Variants in PAN3 observed in about 807,000 individuals in gnomAD.
The protein encoded by PAN3 is PAN2-PAN3 deadenylation complex subunit PAN3.
A neutral mutation model predicts 96.2 loss-of-function variants in PAN3; 19 were observed. The observed-to-expected ratio is 0.20, with a 90% CI of 0.14 to 0.29. The LOEUF (loss-of-function observed/expected upper bound fraction) is 0.29, where lower values mean the gene tolerates loss of function less well. Among genes scored for constraint, PAN3 ranks in the 10% least tolerant of loss-of-function variants. The pLI is 1.00. For synonymous variants in PAN3, 433 were observed against 406.6 expected (o/e 1.06, Z -0.78); for missense variants, 882 against 1,108.1 (o/e 0.80, Z 2.90).
At chr13:28,244,436 T>C (rs1030155440) in intron 6 of PAN3, among the ~76,000 whole-genome samples, 4 of 152,214 alleles carry the variant, frequency 2.6e-5, no homozygotes, top group African/African-American at 9.6e-5. Context: ...ACCATCTGTT[T>C]GTTTATTCAC....
intron 1 of PAN3, among the ~76,000 whole-genome samples, chr13:28,168,789 CG>C (rs1241649197): frequency 6.6e-6 from 1 of 151,742 alleles, no homozygotes; most frequent in Non-Finnish European, 1.5e-5. Flanking sequence ...GAGGCTGAGG[CG>C]GGCAGATCAT....
intron 4 of PAN3, among the ~76,000 whole-genome samples, chr13:28,194,679 A>G (rs539605326): frequency 6.6e-6 from 1 of 151,802 alleles, no homozygotes; most frequent in Non-Finnish European, 1.5e-5. Flanking sequence ...CTTGTTGCTC[A>G]GTCTGGTCTT....
chr13:28,280,815 C>T (rs950053432), intron 16 of PAN3, among the ~76,000 whole-genome samples: 8 of 152,110 alleles, frequency 5.3e-5, no homozygotes, highest in Admixed American at 5.2e-4. Context: ...CCCGCCTCAG[C>T]CTCCCAAAGT....
At chr13:28,139,597 T>G in intron 1 of PAN3, among the ~76,000 whole-genome samples, 1 of 148,072 alleles carries the variant, frequency 6.8e-6, no homozygotes, top group African/African-American at 2.5e-5. Context: ...GTGGAGTAGG[T>G]TGAAAGAACG....
chr13:28,154,605 C>T lies in PAN3; in HGVS notation c.430+15518C>T, dbSNP rs549524671. On this transcript the variant is annotated intron_variant, in intron 1 of 18. Coordinates refer to ENST00000380958, the MANE Select transcript of PAN3 (RefSeq NM_175854.8). ...TGCCTCTAGGGTTCAAGTGAGTCTC[C>T]CGCCTCAGCCTCCCAAGTAGCTGGG... 2.0e-5 allele frequency among the ~76,000 whole-genome samples: 3 copies of T among 152,176 alleles called. No individual in the cohort carries two copies. In the East Asian group the frequency reaches 5.8e-4, roughly 29 times the overall value.
intron 1 of PAN3, among the ~76,000 whole-genome samples, chr13:28,144,438 A>G (rs1870332197): frequency 6.6e-6 from 1 of 151,942 alleles, no homozygotes; most frequent in South Asian, 2.1e-4. Flanking sequence ...GATGGTCTCA[A>G]TCTCCTGACC....
At chr13:28,256,084 A>G (rs1025156625) in intron 6 of PAN3, among the ~76,000 whole-genome samples, 2 of 152,192 alleles carry the variant, frequency 1.3e-5, no homozygotes. Flanking sequence ...ATATTTGGAA[A>G]TAAGTACATT....
At chr13:28,176,468 TATAA>T (rs771715894) in intron 2 of PAN3, 21 bp from the exon 3 acceptor site, 3 of 1,595,194 alleles carry the variant, frequency 1.9e-6, no homozygotes, top group Admixed American at 1.7e-5. Flanking sequence ...TCAGTGATGT[TATAA>T]ATAAATATTT....
At chr13:28,139,582 G>T (rs1869389636) in intron 1 of PAN3, among the ~76,000 whole-genome samples, 1 of 150,336 alleles carries the variant, frequency 6.7e-6, no homozygotes, top group African/African-American at 2.4e-5. Flanking sequence ...CGGGCTTAAG[G>T]CTTCGTGGAG....
At chr13:28,248,205 T>G (rs1884389559) in intron 6 of PAN3, among the ~76,000 whole-genome samples, 1 of 152,194 alleles carries the variant, frequency 6.6e-6, no homozygotes, top group Non-Finnish European at 1.5e-5. Context: ...CTTTCTTGAT[T>G]TCTTCTTCAG....
chr13:28,139,514 T>TTGTGTGTGTG (rs10577740), intron 1 of PAN3, among the ~76,000 whole-genome samples: 1,665 of 93,098 alleles, frequency 0.018, 47 homozygotes, highest in African/African-American at 0.042. Flanking sequence ...AGGGGTGTGT[T>TTGTGTGTGTG]TGTGTGTGTG....
At chr13:28,228,998 G>A (rs972183609) in intron 6 of PAN3, among the ~76,000 whole-genome samples, 4 of 152,226 alleles carry the variant, frequency 2.6e-5, no homozygotes, top group African/African-American at 9.6e-5. Context: ...CAGGGGAAGA[G>A]CTTCTCAGCA....
chr13:28,221,027 G>T (rs1324216995), intron 6 of PAN3, among the ~76,000 whole-genome samples: 1 of 152,078 alleles, frequency 6.6e-6, no homozygotes, highest in Non-Finnish European at 1.5e-5. Flanking sequence ...AGTCCTGAAG[G>T]CATAGTTCAA....
chr13:28,226,322 G>A (rs1470119158), intron 6 of PAN3, among the ~76,000 whole-genome samples: 1 of 152,130 alleles, frequency 6.6e-6, no homozygotes, highest in Non-Finnish European at 1.5e-5. Flanking sequence ...TTTCTCAGAA[G>A]TCTACTGTTA....
chr13:28,162,414 G>A (rs950404888), intron 1 of PAN3, among the ~76,000 whole-genome samples: 4 of 152,234 alleles, frequency 2.6e-5, no homozygotes, highest in Non-Finnish European at 4.4e-5. Flanking sequence ...GCCGGGTGCC[G>A]TGGCTCATGC....
intron 1 of PAN3, among the ~76,000 whole-genome samples, chr13:28,154,071 G>C (rs1871760770): frequency 6.6e-6 from 1 of 152,198 alleles, no homozygotes; most frequent in Admixed American, 6.6e-5. Context: ...ATTTTTCGGT[G>C]AGTATTCAGA....
chr13:28,277,174 C>A, intron 14 of PAN3, 63 bp from the exon 15 acceptor site: 2 of 1,461,028 alleles, frequency 1.4e-6, no homozygotes, highest in South Asian at 1.3e-5. Context: ...GCAGTAGTGT[C>A]AGTGTATTAA....
chr13:28,185,948 A>G (rs1051054046), intron 4 of PAN3, among the ~76,000 whole-genome samples: 6 of 152,198 alleles, frequency 3.9e-5, no homozygotes, highest in African/African-American at 1.4e-4. Context: ...CCTAGGAGGT[A>G]GGTATGGGGA....
chr13:28,153,002 T>C (rs555925839), intron 1 of PAN3, among the ~76,000 whole-genome samples: 32 of 152,222 alleles, frequency 2.1e-4, no homozygotes, highest in African/African-American at 7.7e-4. Context: ...GGCACAATAG[T>C]TTATTGTTAG....
Sources: gnomAD v4.1 joint callset for allele counts (sites outside exome capture counted in the v4.1 genomes callset) on GRCh38, gnomAD v4.1.1 for gene constraint, MANE v1.5 for transcripts, NCBI Gene and HGNC (gene_info 2026-07-23, HGNC 2026-07-21) for gene names.